The following PABIR1 variants were observed in gnomAD, a reference collection of about 807,000 sequenced individuals.
PABIR1 encodes the protein PPP2R1A-PPP2R2A-interacting phosphatase regulator 1.
Under a neutral mutation model 14.6 loss-of-function variants are expected in PABIR1, and 2 were observed. The ratio of observed to expected loss-of-function variants is 0.14; its 90% confidence interval spans 0.06 to 0.43. The LOEUF is 0.43. Among genes scored for constraint, PABIR1 ranks in the 20% least tolerant of loss-of-function variants. The pLI is 0.99. For synonymous variants in PABIR1, 163 were observed against 155.4 expected, an observed-to-expected ratio of 1.05 and a Z score of -0.36; for missense variants, 294 against 379.0, an observed-to-expected ratio of 0.78 and a Z score of 1.86.
rs1831199679 is a variant in PABIR1, at chr9:68,780,471, C to T, written c.307C>T (p.His103Tyr). The change falls in exon 1 of 1, where the codon CAC becomes TAC. Residue 103 changes from histidine (H) to tyrosine (Y), a missense_variant. Coordinates refer to ENST00000394264, the MANE Select transcript of PABIR1 (RefSeq NM_138333.5). ...GMDLINRETV[H>Y]EREVQTAMQI... ...GGACTTGATCAACCGAGAGACGGTCCACGAACGGGAGGTGCAGACCGCAAT... is the reference window on the plus strand; with the variant it reads ...GGACTTGATCAACCGAGAGACGGTCTACGAACGGGAGGTGCAGACCGCAAT... The T allele has an allele frequency of 6.2e-7, 1 of 1,614,210 alleles. No homozygotes were observed. Among genetic ancestry groups the T allele is most frequent in the Non-Finnish European group, 8.5e-7 (1 of 1,180,044 alleles).
Position 68,781,360 on chromosome 9 carries a change from G to T in PABIR1, c.*332G>T. Reference sequence around the variant, plus strand: ...TTTATTTATGGGATTATTAAGTTCTGATGAAAATATAAATGTTGACTTAAT... The same window carrying T: ...TTTATTTATGGGATTATTAAGTTCTTATGAAAATATAAATGTTGACTTAAT... On this transcript the variant is annotated 3_prime_UTR_variant, in exon 1 of 1. Coordinates refer to ENST00000394264, the MANE Select transcript of PABIR1 (RefSeq NM_138333.5). The T allele has an allele frequency of 9.1e-6, 2 of 220,874 alleles. No homozygotes were observed. Among genetic ancestry groups the T allele is most frequent in the Non-Finnish European group, 2.0e-5 (2 of 102,064 alleles). 13.7% of individuals were successfully genotyped at this position (220,874 alleles called of 1,614,324 possible). A position where few individuals can be genotyped will look rare whatever the true frequency, so the allele number is the denominator to read the frequency against.
chr9:68,780,984 G>T lies in PABIR1; in HGVS notation c.820G>T (p.Ala274Ser). 2 of 1,614,146 alleles carry T rather than the reference G, an allele frequency of 1.2e-6. No individual in the cohort carries two copies. ...CGACTCTCCTGTGTCACCTGCCCAA[G>T]CGGCTTCTCCATTTATTCCACTAGA... is the stretch of plus-strand genomic sequence containing the variant. ...TTDSPVSPAQ[A>S]ASPFIPLDEL... Residue 274 changes from alanine to serine, a missense_variant, in exon 1 of 1, where the codon GCG (alanine) becomes TCG (serine). Around this residue, in one of 3 missense-constraint regions of PABIR1, gnomAD observed 95 missense variants for 100.8 expected, o/e 0.94. Coordinates refer to ENST00000394264, the MANE Select transcript of PABIR1 (RefSeq NM_138333.5).
chr9:68,780,491 C>A lies in PABIR1; in HGVS notation c.327C>A (p.Thr109=), dbSNP rs575711149. The change falls in exon 1 of 1, where the codon ACC becomes ACA. Residue 109 remains threonine, a synonymous_variant. Transcript: ENST00000394264. ...CGGTCCACGAACGGGAGGTGCAGAC[C>A]GCAATGCAGATAAGCCACTCCTGGG... The part of the protein sequence containing the change: ...RETVHEREVQ[T]AMQISHSWEE... The A allele has an allele frequency of 6.2e-7, 1 of 1,614,078 alleles. No individual in the cohort carries two copies. Among genetic ancestry groups the A allele is most frequent in the African/African-American group, 1.3e-5 (1 of 74,924 alleles).
In PABIR1 at chr9:68,780,806, A is replaced by G. The variant is rs1452952300; in HGVS notation, c.642A>G (p.Pro214=). Reference sequence around the variant, plus strand: ...GTGAAATGGAAACTGAATATCAGCCAAAGAGATTTTTCCAGGGCATCACCA... The same window carrying G: ...GTGAAATGGAAACTGAATATCAGCCGAAGAGATTTTTCCAGGGCATCACCA... The part of the protein sequence containing the change: ...RKCEMETEYQ[P]KRFFQGITNM... The change falls in exon 1 of 1, where the codon CCA becomes CCG. Residue 214 remains proline, a synonymous_variant. Coordinates refer to ENST00000394264, the MANE Select transcript of PABIR1 (RefSeq NM_138333.5). 2.5e-6 allele frequency: 4 copies of G among 1,614,088 alleles called. No homozygotes were observed. Among genetic ancestry groups the G allele is most frequent in the African/African-American group, 1.3e-5 (1 of 74,922 alleles).
chr9:68,783,194 G>C lies in PABIR1; in HGVS notation c.*2166G>C, dbSNP rs2132466771. The C allele has an allele frequency of 6.0e-6, 1 of 167,052 alleles. No individual in the cohort carries two copies. The highest frequency in any genetic ancestry group is 3.4e-3 in the Middle Eastern group (1 of 296). 10.3% of individuals were successfully genotyped at this position (167,052 alleles called of 1,614,324 possible). ...TACTCTTTAAGGAATGATTTCTTTA[G>C]CCTCAGATAGAAGGACCTTTATGAT... is the stretch of plus-strand genomic sequence containing the variant. On this transcript the variant is annotated 3_prime_UTR_variant, in exon 1 of 1. Transcript: ENST00000394264.
rs1432674030 is a variant in PABIR1 at position 68,782,954 on chromosome 9, A to C, written c.*1926A>C. 6.0e-6 allele frequency: 1 copy of C among 167,080 alleles called. No individual in the cohort carries two copies. The highest frequency in any genetic ancestry group is 1.5e-5 in the Non-Finnish European group (1 of 68,126). 10.3% of individuals were successfully genotyped at this position (167,080 alleles called of 1,614,324 possible). On this transcript the variant is annotated 3_prime_UTR_variant, in exon 1 of 1. Transcript: ENST00000394264. ...CTCTGTTGGATTAGCTTAATCACCA[A>C]GTCCTGTCAACTTCTGAAATGAATC...
Position 68,780,457 on chromosome 9 carries a change from A to G in PABIR1, c.293A>G (p.Asn98Ser), listed in dbSNP as rs776314992. ...CAAGAAGAGGGCATGGACTTGATCAACCGAGAGACGGTCCACGAACGGGAG... is the reference window on the plus strand; with the variant it reads ...CAAGAAGAGGGCATGGACTTGATCAGCCGAGAGACGGTCCACGAACGGGAG... Reference protein sequence around the residue: ...IKQEEGMDLINRETVHEREVQ... With the variant: ...IKQEEGMDLISRETVHEREVQ... The change falls in exon 1 of 1, where the codon AAC becomes AGC. Residue 98 changes from asparagine to serine, a missense_variant. This residue lies in a region of PABIR1 where 103 missense variants were observed against 175.9 expected (regional missense o/e 0.59). Transcript: ENST00000394264. 3 of 1,614,234 alleles carry G rather than the reference A, an allele frequency of 1.9e-6. No individual in the cohort carries two copies. The highest frequency in any genetic ancestry group is 4.5e-5 in the East Asian group (2 of 44,882).
At position 68,780,967 on chromosome 9, in the gene PABIR1, C is replaced by G; in HGVS notation, c.803C>G (p.Pro268Arg). 1 of 1,614,240 alleles carries G rather than the reference C, an allele frequency of 6.2e-7. No individual in the cohort carries two copies. The highest frequency in any genetic ancestry group is 1.1e-5 in the South Asian group (1 of 91,084). ...PAKVSTTTDSPVSPAQAASPF... is the reference protein window; with the variant it reads ...PAKVSTTTDSRVSPAQAASPF... ...AAAGTCAGCACTACCACCGACTCTC[C>G]TGTGTCACCTGCCCAAGCGGCTTCT... The change falls in exon 1 of 1, where the codon CCT (proline) becomes CGT (arginine). Residue 268 changes from proline (P) to arginine (R), a missense_variant. Physicochemically the swap from Pro to Arg is moderately radical, Grantham distance 103 (BLOSUM62 -2). Transcript: ENST00000394264.
rs779407291 is a variant in PABIR1 at position 68,782,362 on chromosome 9, GTTCTT to G, written c.*1341_*1345del. The G allele has an allele frequency of 1.4e-4, 23 of 166,964 alleles. No homozygotes were observed. Among genetic ancestry groups the G allele is most frequent in the Non-Finnish European group, 2.8e-4 (19 of 68,098 alleles). The allele number at this position is 166,964 out of a possible 1,614,324, so 10.3% of individuals were successfully genotyped here. ...TTTCCTAAAGTTAGAATAGTCGAAT[GTTCTT>G]TTCTTTACCTTTACAATTAAGACAA... On this transcript the variant is annotated 3_prime_UTR_variant, in exon 1 of 1. Transcript: ENST00000394264.
Position 68,781,746 on chromosome 9 carries a change from C to CT in PABIR1, c.*729dup, listed in dbSNP as rs879260285. 1.4e-3 allele frequency: 219 copies of CT among 155,116 alleles called. 1 individual carries two copies. Among genetic ancestry groups the CT allele is most frequent in the East Asian group, 1.8e-3 (9 of 5,028 alleles). The allele number at this position is 155,116 out of a possible 1,614,324, so 9.6% of individuals were successfully genotyped here. A position where few individuals can be genotyped will look rare whatever the true frequency, so the allele number is the denominator to read the frequency against. ...ACTATAGAGAAAATAAAATTTTTTCCTTTTTTTTTTTAACCGGAAAGTGCA... is the reference window on the plus strand; with the variant it reads ...ACTATAGAGAAAATAAAATTTTTTCCTTTTTTTTTTTTAACCGGAAAGTGCA... On this transcript the variant is annotated 3_prime_UTR_variant, in exon 1 of 1. Transcript: ENST00000394264.
chr9:68,780,160 C>T lies in PABIR1; in HGVS notation c.-5C>T. On this transcript the variant is annotated 5_prime_UTR_variant, in exon 1 of 1. Transcript: ENST00000394264. ...GAGCACCTCCCCCGCCTCCCTGCCC[C>T]CGACATGGCTCAGGAGAAGATGGAG... 1 of 1,510,788 alleles carries T rather than the reference C, an allele frequency of 6.6e-7. No individual in the cohort carries two copies. The highest frequency in any genetic ancestry group is 1.3e-5 in the South Asian group (1 of 74,594). 93.6% of individuals were successfully genotyped at this position (1,510,788 alleles called of 1,614,324 possible). A position where few individuals can be genotyped will look rare whatever the true frequency, so the allele number is the denominator to read the frequency against.
chr9:68,780,082 G>GTATCATCA lies in PABIR1; in HGVS notation c.-83_-82insTATCATCA. 3.0e-6 allele frequency: 4 copies of GTATCATCA among 1,334,314 alleles called. No individual in the cohort carries two copies. The highest frequency in any genetic ancestry group is 2.9e-6 in the Non-Finnish European group (3 of 1,038,916). The allele number at this position is 1,334,314 out of a possible 1,614,324, so 82.7% of individuals were successfully genotyped here. On this transcript the variant is annotated 5_prime_UTR_variant, in exon 1 of 1. Transcript: ENST00000394264. Reference sequence around the variant, plus strand: ...CCGCTGACAGATTCTCGGTGGCGGCGGCAGCGGCGGCGGCCCTGGACTGCG... The same window carrying GTATCATCA: ...CCGCTGACAGATTCTCGGTGGCGGCGTATCATCAGCAGCGGCGGCGGCCCTGGACTGCG...
Position 68,781,101 on chromosome 9 carries a change from G to C in PABIR1, c.*73G>C. The C allele has an allele frequency of 6.6e-7, 1 of 1,512,222 alleles. No homozygotes were observed. The highest frequency in any genetic ancestry group is 8.9e-7 in the Non-Finnish European group (1 of 1,126,568). The allele number at this position is 1,512,222 out of a possible 1,614,324, so 93.7% of individuals were successfully genotyped here. A position where few individuals can be genotyped will look rare whatever the true frequency, so the allele number is the denominator to read the frequency against. On this transcript the variant is annotated 3_prime_UTR_variant, in exon 1 of 1. Coordinates refer to ENST00000394264, the MANE Select transcript of PABIR1 (RefSeq NM_138333.5). Reference sequence around the variant, plus strand: ...CTAGTTGGGGCAAACACTGAACTTTGTCAATTAATTTGAGGCTATTTCCTA... The same window carrying C: ...CTAGTTGGGGCAAACACTGAACTTTCTCAATTAATTTGAGGCTATTTCCTA...
At position 68,784,301 on chromosome 9, in the gene PABIR1, G is replaced by A. The variant is rs1195180523; in HGVS notation, c.*3273G>A. 2 of 153,470 alleles carry A rather than the reference G, an allele frequency of 1.3e-5. No individual in the cohort carries two copies. Among genetic ancestry groups the A allele is most frequent in the African/African-American group, 5.4e-5 (2 of 37,066 alleles). The allele number at this position is 153,470 out of a possible 1,614,324, so 9.5% of individuals were successfully genotyped here. A position where few individuals can be genotyped will look rare whatever the true frequency, so the allele number is the denominator to read the frequency against. On this transcript the variant is annotated 3_prime_UTR_variant, in exon 1 of 1. Transcript: ENST00000394264. ...TAAACTTTGTGCAAGAAGTCCTAAA[G>A]TCAATAGCAACATTTATTTAAAGTA...
chr9:68,781,519 T>C lies in PABIR1; in HGVS notation c.*491T>C, dbSNP rs1587438121. Reference sequence around the variant, plus strand: ...AAAAAATACGTTAGTTATATCTATCTAGTGGTTGTCTGTTTTACCCAGGAA... The same window carrying C: ...AAAAAATACGTTAGTTATATCTATCCAGTGGTTGTCTGTTTTACCCAGGAA... On this transcript the variant is annotated 3_prime_UTR_variant, in exon 1 of 1. Coordinates refer to ENST00000394264, the MANE Select transcript of PABIR1 (RefSeq NM_138333.5). 6.0e-6 allele frequency: 1 copy of C among 167,830 alleles called. No homozygotes were observed. Among genetic ancestry groups the C allele is most frequent in the Non-Finnish European group, 1.5e-5 (1 of 68,872 alleles). The allele number at this position is 167,830 out of a possible 1,614,324, so 10.4% of individuals were successfully genotyped here.
At position 68,783,621 on chromosome 9, in the gene PABIR1, C is replaced by T. The variant is rs868834753; in HGVS notation, c.*2593C>T. On this transcript the variant is annotated 3_prime_UTR_variant, in exon 1 of 1. Coordinates refer to ENST00000394264, the MANE Select transcript of PABIR1 (RefSeq NM_138333.5). ...AAACCAACATGTCATTGACACCTCT[C>T]TTCTTTACTTTTCCCCATATCTAAT... 1 of 166,958 alleles carries T rather than the reference C, an allele frequency of 6.0e-6. No individual in the cohort carries two copies. The highest frequency in any genetic ancestry group is 2.4e-5 in the African/African-American group (1 of 41,434). The allele number at this position is 166,958 out of a possible 1,614,324, so 10.3% of individuals were successfully genotyped here. A position where few individuals can be genotyped will look rare whatever the true frequency, so the allele number is the denominator to read the frequency against.
In PABIR1 at chr9:68,780,069, T is replaced by G; in HGVS notation, c.-96T>G. The G allele has an allele frequency of 7.0e-7, 1 of 1,423,314 alleles. No individual in the cohort carries two copies. The highest frequency in any genetic ancestry group is 9.2e-7 in the Non-Finnish European group (1 of 1,089,856). 88.2% of individuals were successfully genotyped at this position (1,423,314 alleles called of 1,614,324 possible). A position where few individuals can be genotyped will look rare whatever the true frequency, so the allele number is the denominator to read the frequency against. ...CAGAGGGGCCAGCCCGCTGACAGAT[T>G]CTCGGTGGCGGCGGCAGCGGCGGCG... On this transcript the variant is annotated 5_prime_UTR_variant, in exon 1 of 1. The change creates a new upstream start codon in the 5' untranslated region. Coordinates refer to ENST00000394264, the MANE Select transcript of PABIR1 (RefSeq NM_138333.5).
At position 68,780,905 on chromosome 9, in the gene PABIR1, C is replaced by T; in HGVS notation, c.741C>T (p.Asn247=). The T allele has an allele frequency of 6.2e-7, 1 of 1,614,216 alleles. No homozygotes were observed. The highest frequency in any genetic ancestry group is 8.5e-7 in the Non-Finnish European group (1 of 1,180,038). Reference sequence around the variant, plus strand: ...TATCTTCGGATACCCTTGATGGAAACAGCAGCAGTGCCGGATCTTCTTGTA... The same window carrying T: ...TATCTTCGGATACCCTTGATGGAAATAGCAGCAGTGCCGGATCTTCTTGTA... ...VCVSSDTLDG[N]SSSAGSSCNS... The change falls in exon 1 of 1, where the codon AAC becomes AAT. Residue 247 remains asparagine, a synonymous_variant. Coordinates refer to ENST00000394264, the MANE Select transcript of PABIR1 (RefSeq NM_138333.5).
rs372577410 is a variant in PABIR1, at chr9:68,780,740, T to C, written c.576T>C (p.Asn192=). ...FTTRRSQSPI[N]CIRPSVLGPL... ...CCCGGAGAAGCCAGAGCCCCATCAA[T>C]TGCATTAGACCAAGTGTTCTTGGAC... Residue 192 remains asparagine (N), a synonymous_variant, in exon 1 of 1, where the codon AAT becomes AAC. Coordinates refer to ENST00000394264, the MANE Select transcript of PABIR1 (RefSeq NM_138333.5). The C allele has an allele frequency of 8.1e-6, 13 of 1,614,098 alleles. No homozygotes were observed. In the African/African-American group the frequency reaches 1.5e-4, roughly 18 times the overall value.
Sources: allele counts gnomAD v4.1 joint callset, GRCh38; gene constraint gnomAD v4.1.1; regional missense constraint gnomAD v4.1.1; transcripts MANE v1.5; gene names NCBI Gene and HGNC (gene_info 2026-07-23, HGNC 2026-07-21).